The following BARD1 variants were observed in gnomAD, a reference collection of about 807,000 sequenced individuals.
The protein encoded by BARD1 is BRCA1 associated RING domain 1.
BARD1 carries 73 observed loss-of-function variants against 77.0 expected under a neutral mutation model. The observed-to-expected ratio is 0.95, with a 90% CI of 0.79 to 1.15. The LOEUF is 1.15. Among genes scored for constraint, BARD1 ranks in the 50% most tolerant of loss-of-function variants. The probability of loss-of-function intolerance (pLI) is 0.00; values close to 1 mark genes in which losing one functional copy is unlikely to be tolerated. For missense variants in BARD1, 993 were observed against 938.8 expected, an observed-to-expected ratio of 1.06 and a Z score of -0.75; for synonymous variants, 384 against 338.0, an observed-to-expected ratio of 1.14 and a Z score of -1.49.
intron 9 of BARD1, among the ~76,000 whole-genome samples, chr2:214,735,852 C>T (rs981657655): frequency 6.6e-6 from 1 of 152,110 alleles, no homozygotes; most frequent in Non-Finnish European, 1.5e-5. Context: ...TGTCAAGACG[C>T]TGAGTCTTTC....
chr2:214,744,445 TG>T (rs1692998529), intron 9 of BARD1, among the ~76,000 whole-genome samples: 1 of 152,262 alleles, frequency 6.6e-6, no homozygotes, highest in Non-Finnish European at 1.5e-5. Context: ...TTAAAACATG[TG>T]TTATTAAATT....
At chr2:214,791,610 A>G (rs1352950752) in intron 3 of BARD1, among the ~76,000 whole-genome samples, 2 of 152,202 alleles carry the variant, frequency 1.3e-5, no homozygotes, top group Non-Finnish European at 2.9e-5. Context: ...GAGTCTAAGG[A>G]CAATTTAAAA....
intron 9 of BARD1, among the ~76,000 whole-genome samples, chr2:214,742,193 T>C (rs996236665): frequency 2.6e-5 from 4 of 152,226 alleles, no homozygotes. Context: ...TTAATATGAA[T>C]GGTTTTCAAA....
chr2:214,798,492 T>A (rs765472240), intron 1 of BARD1, among the ~76,000 whole-genome samples: 4 of 152,188 alleles, frequency 2.6e-5, no homozygotes, highest in South Asian at 4.1e-4. Flanking sequence ...AAGCTCCTCC[T>A]ATCATAATAT....
Position 214,728,591 on chromosome 2 carries a change from A to AT in BARD1, c.*84_*85insA. 1 of 1,341,524 alleles carries AT rather than the reference A, an allele frequency of 7.5e-7. No homozygotes were observed. Among genetic ancestry groups the AT allele is most frequent in the Non-Finnish European group, 1.0e-6 (1 of 962,300 alleles). 83.1% of individuals were successfully genotyped at this position (1,341,524 alleles called of 1,614,324 possible). On this transcript the variant is annotated 3_prime_UTR_variant, in exon 11 of 11. Transcript: ENST00000260947. The stretch of plus-strand genomic sequence containing the variant: ...ATATGAATGACTCTACCTATTTGTA[A>AT]AAATGTGAACATTAAAAACAGTACA...
chr2:214,765,775 A>G (rs1173131109), intron 6 of BARD1, among the ~76,000 whole-genome samples: 1 of 152,082 alleles, frequency 6.6e-6, no homozygotes, highest in Non-Finnish European at 1.5e-5. Context: ...CACACAAATA[A>G]AAACCGGAAG....
chr2:214,742,288 A>G (rs993132838), intron 9 of BARD1, among the ~76,000 whole-genome samples: 1 of 152,232 alleles, frequency 6.6e-6, no homozygotes, highest in Non-Finnish European at 1.5e-5. Flanking sequence ...GCTACTCAGA[A>G]GGCTGAAGCT....
chr2:214,788,639 A>T (rs1447341092), intron 3 of BARD1, among the ~76,000 whole-genome samples: 1 of 152,094 alleles, frequency 6.6e-6, no homozygotes, highest in Admixed American at 6.6e-5. Flanking sequence ...GATGTTCACC[A>T]TTCCACTTAA....
Position 214,726,240 on chromosome 2 carries a change from G to C in BARD1, c.*2436C>G, listed in dbSNP as rs1452683433. On this transcript the variant is annotated 3_prime_UTR_variant, in exon 11 of 11. Transcript: ENST00000260947. ...GTCAAAAGAAAAAACAATTGAGATA[G>C]ATATGGTAAAGTATTAGCAGAGACA... is the stretch of plus-strand genomic sequence containing the variant. 2 of 205,140 alleles carry C rather than the reference G, an allele frequency of 9.7e-6. No homozygotes were observed. Among genetic ancestry groups the C allele is most frequent in the Non-Finnish European group, 2.0e-5 (2 of 100,220 alleles). The allele number at this position is 205,140 out of a possible 1,614,324, so 12.7% of individuals were successfully genotyped here.
intron 7 of BARD1, 71 bp from the exon 8 acceptor site, chr2:214,745,925 T>C: frequency 6.5e-7 from 1 of 1,532,580 alleles, no homozygotes; most frequent in Non-Finnish European, 9.0e-7. Context: ...AACAGACTGT[T>C]ACTTGATATA....
chr2:214,762,265 T>C (rs1323750710), intron 6 of BARD1, among the ~76,000 whole-genome samples: 4 of 152,224 alleles, frequency 2.6e-5, no homozygotes, highest in African/African-American at 9.6e-5. Context: ...ATTTCACATT[T>C]AGTCTTGAGA....
At chr2:214,804,631 A>C (rs145314842) in intron 1 of BARD1, among the ~76,000 whole-genome samples, 100 of 152,262 alleles carry the variant, frequency 6.6e-4, no homozygotes, top group African/African-American at 2.4e-3. Flanking sequence ...CATTTTCCTC[A>C]TTTTATAGAT....
intron 4 of BARD1, among the ~76,000 whole-genome samples, chr2:214,770,559 A>G (rs1411473296): frequency 6.6e-6 from 1 of 152,254 alleles, no homozygotes; most frequent in African/African-American, 2.4e-5. Context: ...CTCTGAAGGC[A>G]GACAATATTA....
At position 214,745,176 on chromosome 2, in the gene BARD1, G is replaced by C. The variant is rs1382267929; in HGVS notation, c.1811-17C>G. ...CATGAGTTACTAAAATACAAAAAAA[G>C]CAGTAAGAGAAAGAAAGATACAAGC... On this transcript the variant is annotated splice_polypyrimidine_tract_variant and intron_variant, in intron 8 of 10. Coordinates refer to ENST00000260947, the MANE Select transcript of BARD1 (RefSeq NM_000465.4). The C allele has an allele frequency of 1.9e-6, 3 of 1,601,896 alleles. No homozygotes were observed. The African/African-American group carries it at 4.0e-5, about 21-fold the overall frequency.
intron 4 of BARD1, among the ~76,000 whole-genome samples, chr2:214,771,110 C>T (rs1559413846): frequency 6.6e-6 from 1 of 152,160 alleles, no homozygotes; most frequent in East Asian, 1.9e-4. Flanking sequence ...CTTGAAATTA[C>T]ATTATTATCA....
At chr2:214,782,196 G>A (rs1240060403) in intron 3 of BARD1, among the ~76,000 whole-genome samples, 1 of 152,082 alleles carries the variant, frequency 6.6e-6, no homozygotes, top group Admixed American at 6.6e-5. Flanking sequence ...TATAACCAAA[G>A]ATTAGTAAGA....
At chr2:214,786,888 G>C (rs1205145302) in intron 3 of BARD1, among the ~76,000 whole-genome samples, 2 of 151,858 alleles carry the variant, frequency 1.3e-5, no homozygotes, top group Admixed American at 6.6e-5. Context: ...TTTATGTCTA[G>C]ATTCAACAAG....
At chr2:214,773,945 T>A (rs554660059) in intron 4 of BARD1, among the ~76,000 whole-genome samples, 1 of 152,220 alleles carries the variant, frequency 6.6e-6, no homozygotes, top group South Asian at 2.1e-4. Flanking sequence ...TCAACTAAGA[T>A]GATATAATTT....
intron 1 of BARD1, among the ~76,000 whole-genome samples, chr2:214,798,763 T>C (rs1376823772): frequency 1.5e-4 from 10 of 64,850 alleles, no homozygotes; most frequent in South Asian, 7.7e-4. Flanking sequence ...ATAACCACTA[T>C]TAAAAAAAGA....
Sources: gnomAD v4.1 joint callset for allele counts (sites outside exome capture counted in the v4.1 genomes callset) on GRCh38, gnomAD v4.1.1 for gene constraint, MANE v1.5 for transcripts, NCBI Gene and HGNC (gene_info 2026-07-23, HGNC 2026-07-21) for gene names.